Variants in LIN28B observed in about 807,000 individuals in gnomAD.
The protein encoded by LIN28B is lin-28 RNA binding posttranscriptional regulator B.
Under a neutral mutation model 21.9 loss-of-function variants are expected in LIN28B, and 5 were observed. That is an observed-to-expected ratio of 0.23 (90% CI 0.12 to 0.48). The LOEUF is 0.48. LIN28B is among the 20% of genes least tolerant of loss of function. The probability of loss-of-function intolerance (pLI) is 0.98; values close to 1 mark genes in which losing one functional copy is unlikely to be tolerated. For synonymous variants in LIN28B, 109 were observed against 111.3 expected, an observed-to-expected ratio of 0.98 and a Z score of 0.13; for missense variants, 245 against 310.5, an observed-to-expected ratio of 0.79 and a Z score of 1.58.
intron 2 of LIN28B, among the ~76,000 whole-genome samples, chr6:104,944,120 A>G (rs1041105448): frequency 6.7e-5 from 8 of 120,192 alleles, no homozygotes; most frequent in Non-Finnish European, 1.5e-4. Flanking sequence ...ATGCATATAT[A>G]TTTCATAAAT....
At chr6:105,041,442 A>G (rs1054331286) in intron 3 of LIN28B, among the ~76,000 whole-genome samples, 2 of 151,718 alleles carry the variant, frequency 1.3e-5, no homozygotes, top group East Asian at 1.9e-4. Context: ...CTTTATTTTT[A>G]TAGGTACTAT....
At chr6:105,025,181 C>T (rs1383895598) in intron 2 of LIN28B, among the ~76,000 whole-genome samples, 2 of 152,168 alleles carry the variant, frequency 1.3e-5, no homozygotes, top group Admixed American at 6.5e-5. Context: ...AAGAACTGGA[C>T]TTGAACTAAG....
intron 2 of LIN28B, among the ~76,000 whole-genome samples, chr6:104,972,009 C>T (rs556269263): frequency 7.9e-5 from 12 of 152,252 alleles, no homozygotes; most frequent in Non-Finnish European, 1.3e-4. Context: ...CTTGCTCTGT[C>T]TCCCAGGCTG....
intron 3 of LIN28B, among the ~76,000 whole-genome samples, chr6:105,066,164 C>G (rs1478834402): frequency 6.6e-6 from 1 of 152,106 alleles, no homozygotes; most frequent in Non-Finnish European, 1.5e-5. Flanking sequence ...CACAGCAAGA[C>G]TCTGTCTCAA....
Position 105,078,952 on chromosome 6 carries a change from A to G in LIN28B, c.*169A>G. On this transcript the variant is annotated 3_prime_UTR_variant, in exon 4 of 4. Coordinates refer to ENST00000345080, the MANE Select transcript of LIN28B (RefSeq NM_001004317.4). ...CACTCTAAGCAAATTACATTTGAGC[A>G]GGGTGTCATGTTTTATGTTAATTCA... is the stretch of plus-strand genomic sequence containing the variant. 1.5e-6 allele frequency: 1 copy of G among 684,420 alleles called. No homozygotes were observed. The highest frequency in any genetic ancestry group is 2.8e-5 in the East Asian group (1 of 36,326). The allele number at this position is 684,420 out of a possible 1,614,324, so 42.4% of individuals were successfully genotyped here.
intron 2 of LIN28B, among the ~76,000 whole-genome samples, chr6:104,968,912 A>G (rs1292888556): frequency 6.6e-6 from 1 of 152,166 alleles, no homozygotes; most frequent in African/African-American, 2.4e-5. Flanking sequence ...CATATTGTAA[A>G]GCTTGGAATG....
chr6:104,961,518 A>G (rs959816840), intron 2 of LIN28B, among the ~76,000 whole-genome samples: 26 of 151,860 alleles, frequency 1.7e-4, no homozygotes, highest in African/African-American at 6.3e-4. Flanking sequence ...CTTCTGCCTC[A>G]GCCTCCTGAG....
chr6:104,983,806 C>A (rs891107407), intron 2 of LIN28B, among the ~76,000 whole-genome samples: 5 of 152,076 alleles, frequency 3.3e-5, no homozygotes, highest in Non-Finnish European at 5.9e-5. Context: ...AAACTCCTGA[C>A]CTCAAGTGAT....
chr6:105,008,370 C>T (rs1770857141), intron 2 of LIN28B, among the ~76,000 whole-genome samples: 1 of 152,086 alleles, frequency 6.6e-6, no homozygotes, highest in African/African-American at 2.4e-5. Context: ...CCAGGCTGGG[C>T]GCGGTGGCTC....
chr6:105,061,085 A>T (rs1214391441), intron 3 of LIN28B, among the ~76,000 whole-genome samples: 2 of 152,218 alleles, frequency 1.3e-5, no homozygotes, highest in South Asian at 2.1e-4. Flanking sequence ...ATATAGGAAT[A>T]GTCAGCAAAT....
At chr6:105,012,475 AAAAAAC>A (rs911010692) in intron 2 of LIN28B, among the ~76,000 whole-genome samples, 1 of 152,020 alleles carries the variant, frequency 6.6e-6, no homozygotes, top group Non-Finnish European at 1.5e-5. Context: ...TCTCCAAAAA[AAAAAAC>A]AAAAACAAAC....
intron 2 of LIN28B, among the ~76,000 whole-genome samples, chr6:104,991,175 G>A (rs529434341): frequency 0.022 from 3,357 of 150,990 alleles, 45 homozygotes; most frequent in Non-Finnish European, 0.035. Context: ...ACAGGGCGGC[G>A]GCCAGGCGGA....
chr6:105,070,445 A>C (rs1320285152), intron 3 of LIN28B, among the ~76,000 whole-genome samples: 1 of 152,146 alleles, frequency 6.6e-6, no homozygotes, highest in East Asian at 1.9e-4. Context: ...AAAAATTTAC[A>C]GAGTAAAAGT....
intron 3 of LIN28B, among the ~76,000 whole-genome samples, chr6:105,031,410 T>A (rs1418722013): frequency 2.6e-5 from 4 of 152,134 alleles, no homozygotes; most frequent in Admixed American, 2.0e-4. Context: ...GGTCTGCTGA[T>A]GTACCAGAAA....
chr6:104,975,091 AT>A (rs1770060367), intron 2 of LIN28B, among the ~76,000 whole-genome samples: 1 of 152,156 alleles, frequency 6.6e-6, no homozygotes, highest in Non-Finnish European at 1.5e-5. Context: ...AAGTGCTGAG[AT>A]TACAGGCGTG....
intron 2 of LIN28B, among the ~76,000 whole-genome samples, chr6:104,937,402 G>A (rs1778023018): frequency 6.6e-6 from 1 of 152,078 alleles, no homozygotes; most frequent in South Asian, 2.1e-4. Context: ...CTGAGTACCA[G>A]CAGCTGGGAC....
rs575268528 is a variant in LIN28B, at chr6:105,020,891, T to A, written c.199-5407T>A. On this transcript the variant is annotated intron_variant, in intron 2 of 3. Coordinates refer to ENST00000345080, the MANE Select transcript of LIN28B (RefSeq NM_001004317.4). Reference sequence around the variant, plus strand: ...CCTCAGCTTCCCGAGTAGCTGGGACTACAGACGCCCACCACCACGCCCGGC... The same window carrying A: ...CCTCAGCTTCCCGAGTAGCTGGGACAACAGACGCCCACCACCACGCCCGGC... Among the ~76,000 whole-genome samples the A allele has an allele frequency of 1.4e-3, 217 of 151,870 alleles. 1 individual carries two copies. Among genetic ancestry groups the A allele is most frequent in the African/African-American group, 4.9e-3 (203 of 41,432 alleles).
At chr6:105,001,475 T>G (rs771745279) in intron 2 of LIN28B, among the ~76,000 whole-genome samples, 4 of 152,218 alleles carry the variant, frequency 2.6e-5, no homozygotes, top group Admixed American at 6.5e-5. Flanking sequence ...AAATCAAGAG[T>G]GCATTTGGAG....
intron 2 of LIN28B, among the ~76,000 whole-genome samples, chr6:104,943,206 T>C (rs1778116856): frequency 6.6e-6 from 1 of 152,162 alleles, no homozygotes; most frequent in Admixed American, 6.5e-5. Flanking sequence ...AATTTAAGTT[T>C]GGCTTTTTTT....
Sources: gnomAD v4.1 joint callset for allele counts (sites outside exome capture counted in the v4.1 genomes callset) on GRCh38, gnomAD v4.1.1 for gene constraint, MANE v1.5 for transcripts, NCBI Gene and HGNC (gene_info 2026-07-23, HGNC 2026-07-21) for gene names.